Variants in UNC5B observed in about 807,000 individuals in gnomAD.
UNC5B encodes netrin receptor UNC5B.
A neutral mutation model predicts 103.7 loss-of-function variants in UNC5B; 56 were observed. The ratio of observed to expected loss-of-function variants is 0.54; its 90% confidence interval spans 0.44 to 0.67. UNC5B has a LOEUF of 0.67. Among genes scored for constraint, UNC5B ranks in the 30% least tolerant of loss-of-function variants. The pLI, the probability that UNC5B is intolerant of heterozygous loss-of-function variation, is 0.00. For missense variants in UNC5B, 1,194 were observed against 1,284.5 expected, an observed-to-expected ratio of 0.93 and a Z score of 1.08; for synonymous variants, 577 against 542.0, an observed-to-expected ratio of 1.06 and a Z score of -0.90.
rs140003194 is a variant in UNC5B, at chr10:71,291,085, G to A, written c.1270G>A (p.Val424Ile). The A allele has an allele frequency of 1.5e-5, 24 of 1,613,948 alleles. No homozygotes were observed. The highest frequency in any genetic ancestry group is 9.3e-5 in the African/African-American group (7 of 75,044). ...SAALTGGFHPVNFKTARPSNP... is the reference protein window; with the variant it reads ...SAALTGGFHPINFKTARPSNP... ...TGCCCTGACTGGTGGTTTCCACCCC[G>A]TCAACTTTAAGACGGCAAGGCCCAG... The change falls in exon 9 of 17, where the codon GTC (valine) becomes ATC (isoleucine). Residue 424 changes from valine (V) to isoleucine (I), a missense_variant. Physicochemically the swap from Val to Ile is conservative, Grantham distance 29 (BLOSUM62 3). Transcript: ENST00000335350.
Position 71,212,593 on chromosome 10 carries a change from G to T in UNC5B, c.-393G>T. On this transcript the variant is annotated 5_prime_UTR_variant, in exon 1 of 17. Transcript: ENST00000335350. ...GCATTGTGGCAGGCGGCTGGGGCCG[G>T]CTAGGGCGCCGGAGCCGCACGCAGC... 1 of 159,222 alleles carries T rather than the reference G, an allele frequency of 6.3e-6. No individual in the cohort carries two copies. The highest frequency in any genetic ancestry group is 1.8e-4 in the East Asian group (1 of 5,566). 9.9% of individuals were successfully genotyped at this position (159,222 alleles called of 1,614,324 possible).
At chr10:71,295,453 C>T (rs1845382492) in intron 13 of UNC5B, among the ~76,000 whole-genome samples, 1 of 152,186 alleles carries the variant, frequency 6.6e-6, no homozygotes, top group African/African-American at 2.4e-5. Context: ...GCTCGTCTAT[C>T]CATTCATTTA....
In UNC5B at chr10:71,299,112, G is replaced by T; in HGVS notation, c.2673G>T (p.Arg891=). Residue 891 remains arginine (R), a splice_region_variant and synonymous_variant, in exon 17 of 17, where the codon CGG becomes CGT. Transcript: ENST00000335350. The part of the protein sequence containing the change: ...RMLAQKLSMD[R]YLNYFATKAS... Reference sequence around the variant, plus strand: ...TCAGTGCCCTCCTTCCCTCTGCCAGGTACCTGAATTACTTTGCCACCAAAG... The same window carrying T: ...TCAGTGCCCTCCTTCCCTCTGCCAGTTACCTGAATTACTTTGCCACCAAAG... The T allele has an allele frequency of 1.2e-6, 2 of 1,614,172 alleles. No homozygotes were observed. The highest frequency in any genetic ancestry group is 1.7e-6 in the Non-Finnish European group (2 of 1,180,012).
At chr10:71,232,740 G>A (rs533503953) in intron 1 of UNC5B, among the ~76,000 whole-genome samples, 1 of 152,360 alleles carries the variant, frequency 6.6e-6, no homozygotes, top group Non-Finnish European at 1.5e-5. Context: ...TAGGGGCCAT[G>A]GATGGATGCC....
chr10:71,240,158 C>T (rs541426191), intron 1 of UNC5B, among the ~76,000 whole-genome samples: 47 of 152,328 alleles, frequency 3.1e-4, no homozygotes, highest in Admixed American at 2.6e-3. Context: ...TTATGAGCCG[C>T]GCTTCTCGTG....
chr10:71,280,850 C>G (rs1404141252), intron 2 of UNC5B, among the ~76,000 whole-genome samples: 2 of 152,216 alleles, frequency 1.3e-5, no homozygotes, highest in Non-Finnish European at 2.9e-5. Flanking sequence ...GATGGGACCC[C>G]CCCTTCAGTC....
chr10:71,296,031 G>T, intron 14 of UNC5B, 71 bp downstream of exon 14: 1 of 1,601,986 alleles, frequency 6.2e-7, no homozygotes. Context: ...CTCCCTCCCG[G>T]GCCCTGCCTC....
intron 1 of UNC5B, among the ~76,000 whole-genome samples, chr10:71,241,515 G>A (rs1843900886): frequency 6.6e-6 from 1 of 152,204 alleles, no homozygotes; most frequent in Non-Finnish European, 1.5e-5. Flanking sequence ...CAGAGGCCCT[G>A]GTGAACACAT....
intron 1 of UNC5B, among the ~76,000 whole-genome samples, chr10:71,241,766 T>C (rs1241109199): frequency 6.6e-6 from 1 of 152,060 alleles, no homozygotes; most frequent in Non-Finnish European, 1.5e-5. Flanking sequence ...GGCCCAGTGC[T>C]TCTAAGTGCC....
In UNC5B at chr10:71,286,714, T is replaced by G; in HGVS notation, c.578T>G (p.Val193Gly). 1 of 1,614,126 alleles carries G rather than the reference T, an allele frequency of 6.2e-7. No homozygotes were observed. Among genetic ancestry groups the G allele is most frequent in the African/African-American group, 1.3e-5 (1 of 75,034 alleles). The change falls in exon 5 of 17, where the codon GTC becomes GGC. Residue 193 changes from valine (V) to glycine (G), a missense_variant. Coordinates refer to ENST00000335350, the MANE Select transcript of UNC5B (RefSeq NM_170744.5). Reference sequence around the variant, plus strand: ...GTGGAATGGCTCAAGAATGAGGATGTCATCGACCCCACCCAGGACACCAAC... The same window carrying G: ...GTGGAATGGCTCAAGAATGAGGATGGCATCGACCCCACCCAGGACACCAAC... ...AEVEWLKNEDVIDPTQDTNFL... is the reference protein window; with the variant it reads ...AEVEWLKNEDGIDPTQDTNFL...
intron 4 of UNC5B, among the ~76,000 whole-genome samples, chr10:71,286,115 C>T (rs1217113040): frequency 6.6e-6 from 1 of 152,262 alleles, no homozygotes; most frequent in Non-Finnish European, 1.5e-5. Flanking sequence ...CTGGTCTCTG[C>T]AACAACCCTG....
At chr10:71,292,381 T>C in intron 10 of UNC5B, 86 bp from the exon 11 acceptor site, 1 of 1,197,912 alleles carries the variant, frequency 8.3e-7, no homozygotes, top group Admixed American at 2.1e-5. Flanking sequence ...GATATCTTTC[T>C]CTCCCAGCCC....
intron 11 of UNC5B, 74 bp downstream of exon 11, chr10:71,292,628 T>C: frequency 1.5e-6 from 2 of 1,338,764 alleles, no homozygotes; most frequent in Non-Finnish European, 2.1e-6. Context: ...TGGCTCCCCT[T>C]CTAAGCCTGA....
rs149796055 is a variant in UNC5B at position 71,234,462 on chromosome 10, G to A, written c.79+21398G>A. On this transcript the variant is annotated intron_variant, in intron 1 of 16. Transcript: ENST00000335350. ...ATGAAAAGGACCTTCACCATGTTGT[G>A]GGGTTTCACTGAAAAGTATTCTGGG... Among the ~76,000 whole-genome samples, 6 of 148,430 alleles carry A rather than the reference G, an allele frequency of 4.0e-5. No homozygotes were observed. The East Asian group carries it at 1.2e-3, about 29-fold the overall frequency.
intron 1 of UNC5B, among the ~76,000 whole-genome samples, chr10:71,242,351 G>A (rs1376563344): frequency 1.3e-5 from 2 of 152,222 alleles, no homozygotes; most frequent in East Asian, 3.8e-4. Flanking sequence ...CTCATTGTGA[G>A]GTACTTTGAG....
intron 1 of UNC5B, among the ~76,000 whole-genome samples, chr10:71,255,902 C>A (rs1199327621): frequency 6.6e-6 from 1 of 152,188 alleles, no homozygotes; most frequent in African/African-American, 2.4e-5. Context: ...TAAACATAGG[C>A]AAGCAGCTGC....
intron 1 of UNC5B, among the ~76,000 whole-genome samples, chr10:71,271,306 G>A (rs9629898): frequency 0.79 from 120,505 of 151,920 alleles, 48,353 homozygotes; most frequent in Non-Finnish European, 0.86. Flanking sequence ...AATAATGTGC[G>A]CTGTCTCGTT....
chr10:71,276,180 TAA>T (rs11346265), intron 1 of UNC5B, among the ~76,000 whole-genome samples: 1 of 151,832 alleles, frequency 6.6e-6, no homozygotes, highest in African/African-American at 2.4e-5. Context: ...TGGGATAGCT[TAA>T]AAAAAATTAC....
chr10:71,234,219 G>T (rs1452221191), intron 1 of UNC5B, among the ~76,000 whole-genome samples: 1 of 152,244 alleles, frequency 6.6e-6, no homozygotes, highest in African/African-American at 2.4e-5. Flanking sequence ...AAAAGAGCCT[G>T]GATTTGGAGC....
Sources: allele counts gnomAD v4.1 joint callset (sites outside exome capture counted in the v4.1 genomes callset), GRCh38; gene constraint gnomAD v4.1.1; transcripts MANE v1.5; gene names NCBI Gene and HGNC (gene_info 2026-07-23, HGNC 2026-07-21).